ACAA2: variants seen among roughly 807,000 people sequenced by gnomAD.
The protein encoded by ACAA2 is acetyl-CoA acyltransferase 2, also known as 3-ketoacyl-CoA thiolase, mitochondrial.
ACAA2 carries 35 observed loss-of-function variants against 44.8 expected under a neutral mutation model. The ratio of observed to expected loss-of-function variants is 0.78; its 90% confidence interval spans 0.60 to 1.04. ACAA2 has a LOEUF of 1.04. Ranked by LOEUF, ACAA2 falls within the 50% of genes least tolerant of loss-of-function variation. The pLI is 0.00. For missense variants in ACAA2, 468 were observed against 482.6 expected (o/e 0.97, Z 0.28); for synonymous variants, 142 against 166.5 (o/e 0.85, Z 1.13).
chr18:49,812,115 A>G (rs1026879176), intron 1 of ACAA2, among the ~76,000 whole-genome samples: 1 of 152,224 alleles, frequency 6.6e-6, no homozygotes, highest in African/African-American at 2.4e-5. Flanking sequence ...TATGAAGTAA[A>G]TGTAGTAAAT....
At chr18:49,799,359 C>A (rs1176840764) in intron 2 of ACAA2, among the ~76,000 whole-genome samples, 2 of 151,986 alleles carry the variant, frequency 1.3e-5, no homozygotes, top group African/African-American at 2.4e-5. Context: ...CGATTGCAGG[C>A]ACGCGCCGCC....
intron 7 of ACAA2, among the ~76,000 whole-genome samples, chr18:49,789,753 G>A (rs577830464): frequency 6.6e-6 from 1 of 152,166 alleles, no homozygotes; most frequent in Non-Finnish European, 1.5e-5. Flanking sequence ...GGAGGCTGAG[G>A]TGGGCGGATC....
chr18:49,807,674 A>G (rs1325323348), intron 1 of ACAA2, among the ~76,000 whole-genome samples: 1 of 152,140 alleles, frequency 6.6e-6, no homozygotes, highest in Non-Finnish European at 1.5e-5. Flanking sequence ...TCTATAAAAA[A>G]TTAAGAAATC....
At chr18:49,811,961 A>C (rs186030038) in intron 1 of ACAA2, among the ~76,000 whole-genome samples, 1,557 of 152,324 alleles carry the variant, frequency 0.01, 19 homozygotes, top group South Asian at 0.037. Flanking sequence ...GGTCTGTATT[A>C]TAAGAAAGGG....
intron 2 of ACAA2, among the ~76,000 whole-genome samples, chr18:49,801,416 A>G (rs1240269323): frequency 3.3e-5 from 5 of 152,234 alleles, no homozygotes; most frequent in African/African-American, 1.2e-4. Flanking sequence ...TCAAAATTCT[A>G]GAAAACGCAA....
intron 9 of ACAA2, 67 bp from the exon 10 acceptor site, chr18:49,783,998 A>ATATTTTCC (rs2023297111): frequency 7.9e-7 from 1 of 1,271,776 alleles, no homozygotes; most frequent in Non-Finnish European, 1.1e-6. Context: ...TAGAACTAAT[A>ATATTTTCC]ACATCACATC....
intron 1 of ACAA2, among the ~76,000 whole-genome samples, chr18:49,811,796 T>A (rs1197763503): frequency 6.6e-6 from 1 of 152,162 alleles, no homozygotes; most frequent in Non-Finnish European, 1.5e-5. Flanking sequence ...TCCTCCTAAT[T>A]GCTACAATAA....
chr18:49,794,206 C>T (rs2143958430), intron 5 of ACAA2, 74 bp downstream of exon 5: 2 of 1,096,582 alleles, frequency 1.8e-6, no homozygotes, highest in South Asian at 2.7e-5. Flanking sequence ...ATTATATAAC[C>T]ATAATAGAAA....
chr18:49,783,515 C>A lies in ACAA2; in HGVS notation c.*332G>T. The A allele has an allele frequency of 5.3e-6, 1 of 187,866 alleles. No individual in the cohort carries two copies. 11.6% of individuals were successfully genotyped at this position (187,866 alleles called of 1,614,324 possible). ...AGGAAAATATTAACTGAAGTTAAGG[C>A]AACATTTATTTGATTTCCTTATAAT... On this transcript the variant is annotated 3_prime_UTR_variant, in exon 10 of 10. Coordinates refer to ENST00000285093, the MANE Select transcript of ACAA2 (RefSeq NM_006111.3).
At chr18:49,784,355 C>G (rs1354803245) in intron 9 of ACAA2, among the ~76,000 whole-genome samples, 1 of 152,098 alleles carries the variant, frequency 6.6e-6, no homozygotes, top group Non-Finnish European at 1.5e-5. Flanking sequence ...AGTGTGAGAG[C>G]CTCATGGCAC....
In ACAA2 at chr18:49,785,196, C is replaced by T. The variant is rs147811299; in HGVS notation, c.1109+1G>A. 7.5e-6 allele frequency: 12 copies of T among 1,609,414 alleles called. No individual in the cohort carries two copies. Among genetic ancestry groups the T allele is most frequent in the Non-Finnish European group, 1.0e-5 (12 of 1,178,710 alleles). On this transcript the variant is annotated splice_donor_variant, in intron 9 of 9. Coordinates refer to ENST00000285093, the MANE Select transcript of ACAA2 (RefSeq NM_006111.3). LOFTEE classifies it high-confidence loss of function. ...GAAATGCAGCTATTTCTAGCAAATACCTTAATTCGTGAACCAGGTGTGCAG... is the reference window on the plus strand; with the variant it reads ...GAAATGCAGCTATTTCTAGCAAATATCTTAATTCGTGAACCAGGTGTGCAG...
chr18:49,793,438 A>G (rs1295744896), intron 5 of ACAA2, among the ~76,000 whole-genome samples: 2 of 152,222 alleles, frequency 1.3e-5, no homozygotes, highest in Non-Finnish European at 2.9e-5. Flanking sequence ...GATATGACTG[A>G]GCTTGATAAC....
At position 49,800,197 on chromosome 18, in the gene ACAA2, G is replaced by A. The variant is rs2023525933; in HGVS notation, c.183+2490C>T. 5.7e-5 allele frequency among the ~76,000 whole-genome samples: 8 copies of A among 139,252 alleles called. No individual in the cohort carries two copies. In the South Asian group the frequency reaches 1.6e-3, roughly 28 times the overall value. 91.4% of individuals were successfully genotyped at this position (139,252 alleles called of 152,430 possible). A position where few individuals can be genotyped will look rare whatever the true frequency, so the allele number is the denominator to read the frequency against. The stretch of plus-strand genomic sequence containing the variant: ...AGGTGGGGGGTCAGCCCCCCGCCCG[G>A]CCAGCCGCCCCGTCCGGGAGGTGGG... On this transcript the variant is annotated intron_variant, in intron 2 of 9. Coordinates refer to ENST00000285093, the MANE Select transcript of ACAA2 (RefSeq NM_006111.3).
chr18:49,803,274 A>ATAATAC (rs1555790928), intron 1 of ACAA2, among the ~76,000 whole-genome samples: 2 of 149,042 alleles, frequency 1.3e-5, no homozygotes, highest in Admixed American at 1.3e-4. Flanking sequence ...AATAATAATA[A>ATAATAC]TAATAATATC....
Position 49,796,515 on chromosome 18 carries a change from A to T in ACAA2, c.313-634T>A, listed in dbSNP as rs543499763. On this transcript the variant is annotated intron_variant, in intron 3 of 9. Coordinates refer to ENST00000285093, the MANE Select transcript of ACAA2 (RefSeq NM_006111.3). The stretch of plus-strand genomic sequence containing the variant: ...TTATTAAAATACGCCTCTGGCTCTT[A>T]TTTTGTTTGTAATAAAATGAAGACT... Among the ~76,000 whole-genome samples, 1,367 of 152,292 alleles carry T rather than the reference A, an allele frequency of 9.0e-3. 37 individuals are homozygous for T. The South Asian group carries it at 0.12, about 13-fold the overall frequency.
chr18:49,797,439 G>T (rs369428902), intron 3 of ACAA2, 27 bp downstream of exon 3: 1 of 1,587,838 alleles, frequency 6.3e-7, no homozygotes, highest in Non-Finnish European at 8.6e-7. Flanking sequence ...CATATTTTCA[G>T]AGAATTTAAA....
chr18:49,789,090 T>C (rs532041723), intron 7 of ACAA2, among the ~76,000 whole-genome samples: 3 of 152,302 alleles, frequency 2.0e-5, no homozygotes, highest in East Asian at 3.9e-4. Flanking sequence ...ACCTCTACCA[T>C]TGCCACCCCT....
chr18:49,811,878 ACTTC>A (rs1398499282), intron 1 of ACAA2, among the ~76,000 whole-genome samples: 4 of 152,204 alleles, frequency 2.6e-5, no homozygotes, highest in African/African-American at 9.7e-5. Flanking sequence ...TAAACTTTAT[ACTTC>A]CTTAATACAG....
intron 2 of ACAA2, among the ~76,000 whole-genome samples, chr18:49,802,180 A>C (rs1302253250): frequency 6.6e-6 from 1 of 152,240 alleles, no homozygotes; most frequent in Non-Finnish European, 1.5e-5. Context: ...CCCAAGTCAG[A>C]CATACAGTTT....
Sources: allele counts gnomAD v4.1 joint callset (sites outside exome capture counted in the v4.1 genomes callset), GRCh38; gene constraint gnomAD v4.1.1; transcripts MANE v1.5; gene names NCBI Gene and HGNC (gene_info 2026-07-23, HGNC 2026-07-21).